The following MAP3K15 variants were observed in gnomAD, a reference collection of about 807,000 sequenced individuals.
MAP3K15 encodes the protein mitogen-activated protein kinase kinase kinase 15.
MAP3K15 carries 124 observed loss-of-function variants against 99.5 expected under a neutral mutation model. The observed-to-expected ratio is 1.25, with a 90% CI of 1.08 to 1.45. The LOEUF (loss-of-function observed/expected upper bound fraction) is 1.45, where lower values mean the gene tolerates loss of function less well. Among genes scored for constraint, MAP3K15 ranks in the 40% most tolerant of loss-of-function variants. The probability of loss-of-function intolerance (pLI) is 0.00; values close to 1 mark genes in which losing one functional copy is unlikely to be tolerated. For missense variants in MAP3K15, 1,242 were observed against 1,079.7 expected, an observed-to-expected ratio of 1.15 and a Z score of -2.11; for synonymous variants, 494 against 439.6, an observed-to-expected ratio of 1.12 and a Z score of -1.55.
chrX:19,429,113 A>T (rs1322444937), intron 7 of MAP3K15, among the ~76,000 whole-genome samples: 3 of 111,719 alleles, frequency 2.7e-5, no homozygotes, highest in Non-Finnish European at 5.6e-5. Flanking sequence ...AGGTAGTGGG[A>T]AACAAGGCTA....
At chrX:19,390,187 C>A (rs751869252) in intron 18 of MAP3K15, among the ~76,000 whole-genome samples, 1 of 110,704 alleles carries the variant, frequency 9.0e-6, no homozygotes, top group East Asian at 2.8e-4. Context: ...CATTATTTAC[C>A]AAAAATAAGA....
intron 18 of MAP3K15, among the ~76,000 whole-genome samples, chrX:19,380,577 G>A (rs2063452154): frequency 9.0e-6 from 1 of 111,571 alleles, no homozygotes; most frequent in Non-Finnish European, 1.9e-5. Context: ...CCAGGCTGGA[G>A]TGCAGTGGCG....
At chrX:19,372,924 A>G in intron 21 of MAP3K15, 97 bp from the exon 22 acceptor site, 1 of 825,341 alleles carries the variant, frequency 1.2e-6, no homozygotes, top group Middle Eastern at 3.0e-4. Flanking sequence ...CTGAGAGGTA[A>G]CTGCGATGCA....
At chrX:19,376,070 C>T (rs746431719) in intron 19 of MAP3K15, among the ~76,000 whole-genome samples, 2 of 111,962 alleles carry the variant, frequency 1.8e-5, no homozygotes, top group African/African-American at 6.5e-5. Flanking sequence ...CTGAAAACAG[C>T]AAATGTGGGC....
chrX:19,463,838 G>A (rs766721167), intron 4 of MAP3K15, among the ~76,000 whole-genome samples: 2 of 110,643 alleles, frequency 1.8e-5, no homozygotes, highest in East Asian at 2.8e-4. Context: ...ACAGCCACGC[G>A]AGTGTAAAGC....
chrX:19,436,345 G>A (rs1249788378), intron 6 of MAP3K15, among the ~76,000 whole-genome samples: 6 of 109,932 alleles, frequency 5.5e-5, no homozygotes, highest in Non-Finnish European at 1.1e-4. Flanking sequence ...TTTGACAACC[G>A]TGCACCCCTT....
intron 6 of MAP3K15, among the ~76,000 whole-genome samples, chrX:19,455,567 C>T (rs1452883252): frequency 3.2e-5 from 3 of 92,816 alleles, no homozygotes; most frequent in African/African-American, 1.3e-4. Flanking sequence ...GCCATGTTGC[C>T]CAGGCTGGTC....
At chrX:19,401,989 A>G (rs983902711) in intron 13 of MAP3K15, among the ~76,000 whole-genome samples, 3 of 112,010 alleles carry the variant, frequency 2.7e-5, no homozygotes, top group Non-Finnish European at 5.6e-5. Context: ...AACAACTAAG[A>G]TTTAAAAGAC....
chrX:19,491,689 TTTTTA>T (rs768792390), intron 1 of MAP3K15, among the ~76,000 whole-genome samples: 1 of 110,433 alleles, frequency 9.1e-6, no homozygotes, highest in African/African-American at 3.3e-5. Context: ...GTTTTTTAAC[TTTTTA>T]TTTTTACTTA....
intron 6 of MAP3K15, among the ~76,000 whole-genome samples, chrX:19,437,241 C>G (rs1233800193): frequency 1.8e-5 from 2 of 111,656 alleles, no homozygotes; most frequent in Non-Finnish European, 3.8e-5. Flanking sequence ...TACCTCTCTA[C>G]TATCTAGTCT....
intron 1 of MAP3K15, among the ~76,000 whole-genome samples, chrX:19,512,003 T>C (rs746672811): frequency 9.0e-6 from 1 of 111,375 alleles, no homozygotes; most frequent in Non-Finnish European, 1.9e-5. Flanking sequence ...AAAGGATGAG[T>C]TCATGTCCTT....
At chrX:19,485,466 T>C in intron 3 of MAP3K15, among the ~76,000 whole-genome samples, 1 of 110,008 alleles carries the variant, frequency 9.1e-6, no homozygotes, top group East Asian at 2.8e-4. Context: ...CCGGATGCCT[T>C]ATCTTACAGG....
chrX:19,445,657 C>T (rs1333638215), intron 6 of MAP3K15, among the ~76,000 whole-genome samples: 1 of 106,113 alleles, frequency 9.4e-6, no homozygotes, highest in Non-Finnish European at 1.9e-5. Flanking sequence ...ATTAATCAGC[C>T]AAAGGCCAGG....
At chrX:19,436,271 T>G (rs749713456) in intron 6 of MAP3K15, among the ~76,000 whole-genome samples, 1 of 111,222 alleles carries the variant, frequency 9.0e-6, no homozygotes, top group African/African-American at 3.3e-5. Flanking sequence ...CGTCAGTGGG[T>G]TGGCATCATT....
chrX:19,414,410 G>A (rs2063716253), intron 10 of MAP3K15: 1 of 233,870 alleles, frequency 4.3e-6, no homozygotes, highest in African/African-American at 3.1e-5. Flanking sequence ...TATTTTATTA[G>A]ATGCTTAATG....
At chrX:19,381,006 T>C (rs1269759155) in intron 18 of MAP3K15, among the ~76,000 whole-genome samples, 3 of 111,775 alleles carry the variant, frequency 2.7e-5, no homozygotes, top group African/African-American at 6.5e-5. Context: ...AGGTGCCTAG[T>C]GGAGGAGACA....
At chrX:19,382,259 A>T in intron 18 of MAP3K15, among the ~76,000 whole-genome samples, 1 of 108,527 alleles carries the variant, frequency 9.2e-6, no homozygotes, top group Non-Finnish European at 1.9e-5. Flanking sequence ...AAAAAAAAAA[A>T]AAAAAAAAGG....
intron 1 of MAP3K15, among the ~76,000 whole-genome samples, chrX:19,504,115 T>TGGGAG (rs1336788074): frequency 1.2e-4 from 2 of 17,135 alleles, no homozygotes. Flanking sequence ...CAAGACCCTG[T>TGGGAG]GGGAGGGGAG....
chrX:19,464,408 T>G lies in MAP3K15; in HGVS notation c.526-2A>C. The G allele has an allele frequency of 8.5e-7, 1 of 1,172,519 alleles. No homozygotes were observed. The highest frequency in any genetic ancestry group is 1.1e-6 in the Non-Finnish European group (1 of 875,862). The stretch of plus-strand genomic sequence containing the variant: ...GAAATAATAATTTCCACTGGATGCC[T>G]GGAAAAAAGAAACAAAGATGTTCCA... On this transcript the variant is annotated splice_acceptor_variant, in intron 3 of 28. Coordinates refer to ENST00000338883, the MANE Select transcript of MAP3K15 (RefSeq NM_001001671.4). LOFTEE classifies it high-confidence loss of function.
Sources: allele counts gnomAD v4.1 joint callset (sites outside exome capture counted in the v4.1 genomes callset), GRCh38; gene constraint gnomAD v4.1.1; transcripts MANE v1.5; gene names NCBI Gene and HGNC (gene_info 2026-07-23, HGNC 2026-07-21).